Variants in TLR2 observed in about 807,000 individuals in gnomAD.
TLR2 encodes toll-like receptor 2.
TLR2 carries 7 observed loss-of-function variants against 9.1 expected under a neutral mutation model. The ratio of observed to expected loss-of-function variants is 0.77; its 90% CI spans 0.44 to 1.44. TLR2 has a LOEUF of 1.44. TLR2 is among the 40% of genes most tolerant of loss of function. The pLI is 0.01. For missense variants in TLR2, 812 were observed against 904.6 expected, an observed-to-expected ratio of 0.90 and a Z score of 1.31; for synonymous variants, 317 against 344.6, an observed-to-expected ratio of 0.92 and a Z score of 0.89.
intron 2 of TLR2, 128 bp from the exon 3 acceptor site, chr4:153,702,760 CTTTG>C (rs746708083): frequency 4.8e-5 from 19 of 392,512 alleles, no homozygotes; most frequent in African/African-American, 2.7e-4. Context: ...CTCTCTCTCT[CTTTG>C]TGTGTGTGTG....
At position 153,704,558 on chromosome 4, in the gene TLR2, C is replaced by G. The variant is rs1285344948; in HGVS notation, c.1651C>G (p.Leu551Val). 1 of 1,613,970 alleles carries G rather than the reference C, an allele frequency of 6.2e-7. No homozygotes were observed. Among genetic ancestry groups the G allele is most frequent in the East Asian group, 2.2e-5 (1 of 44,852 alleles). Reference protein sequence around the residue: ...FLSFTQEQQALAKVLIDWPAN... With the variant: ...FLSFTQEQQAVAKVLIDWPAN... ...CTCCTTCACTCAGGAGCAGCAAGCACTGGCCAAAGTCTTGATTGATTGGCC... is the reference window on the plus strand; with the variant it reads ...CTCCTTCACTCAGGAGCAGCAAGCAGTGGCCAAAGTCTTGATTGATTGGCC... The change falls in exon 3 of 3, where the codon CTG becomes GTG. Residue 551 changes from leucine (L) to valine (V), a missense_variant. By Grantham distance (32) the Leu-to-Val change is conservative. Coordinates refer to ENST00000642700, the MANE Select transcript of TLR2 (RefSeq NM_001318789.2).
chr4:153,704,636 G>A lies in TLR2; in HGVS notation c.1729G>A (p.Asp577Asn). Residue 577 changes from aspartate to asparagine, a missense_variant, in exon 3 of 3, where the codon GAT (aspartate) becomes AAT (asparagine). Coordinates refer to ENST00000642700, the MANE Select transcript of TLR2 (RefSeq NM_001318789.2). ...CCATGTGCGTGGCCAGCAGGTTCAGGATGTCCGCCTCTCGGTGTCGGAATG... is the reference window on the plus strand; with the variant it reads ...CCATGTGCGTGGCCAGCAGGTTCAGAATGTCCGCCTCTCGGTGTCGGAATG... ...PSHVRGQQVQ[D>N]VRLSVSECHR... is the part of the protein sequence containing the mutation. 4 of 1,613,454 alleles carry A rather than the reference G, an allele frequency of 2.5e-6. No individual in the cohort carries two copies. The highest frequency in any genetic ancestry group is 3.4e-6 in the Non-Finnish European group (4 of 1,179,978).
chr4:153,688,192 C>T (rs906372580), intron 2 of TLR2, 145 bp downstream of exon 2: 2 of 152,132 alleles, frequency 1.3e-5, no homozygotes, highest in African/African-American at 4.8e-5. Context: ...TAGGAGGCCT[C>T]AAGTAGATAA....
chr4:153,707,754 T>C (rs1033619966), downstream of TLR2, among the ~76,000 whole-genome samples: 5 of 152,134 alleles, frequency 3.3e-5, no homozygotes, highest in East Asian at 7.7e-4. Flanking sequence ...GCTTCATAGA[T>C]AATTGATAGA....
chr4:153,695,943 A>G (rs750862029), intron 2 of TLR2, among the ~76,000 whole-genome samples: 11 of 152,116 alleles, frequency 7.2e-5, no homozygotes, highest in Non-Finnish European at 1.6e-4. Flanking sequence ...CCTTTCTGCA[A>G]TGTATGTTCT....
chr4:153,698,341 T>G (rs1281030967), intron 2 of TLR2, among the ~76,000 whole-genome samples: 1 of 152,156 alleles, frequency 6.6e-6, no homozygotes, highest in African/African-American at 2.4e-5. Context: ...AGATATGCAA[T>G]TTGAAAGAAC....
chr4:153,700,234 G>C (rs549490805), intron 2 of TLR2, among the ~76,000 whole-genome samples: 1 of 152,092 alleles, frequency 6.6e-6, no homozygotes, highest in Non-Finnish European at 1.5e-5. Flanking sequence ...CTTTCCACCA[G>C]GTCCTACCTT....
downstream of TLR2, among the ~76,000 whole-genome samples, chr4:153,709,831 G>C (rs1486860976): frequency 2.0e-5 from 3 of 152,216 alleles, no homozygotes; most frequent in Non-Finnish European, 4.4e-5. Flanking sequence ...GTGGCCCATT[G>C]AGAAGGTGTG....
At position 153,691,614 on chromosome 4, in the gene TLR2, C is replaced by T. The variant is rs1019892687; in HGVS notation, c.-17+3567C>T. ...TATGGATTTGCTTTTTGATTAGCTG[C>T]AGCTCTGCCTCAGCTTCTTTTGTTA... On this transcript the variant is annotated intron_variant, in intron 2 of 2. Transcript: ENST00000642700. Among the ~76,000 whole-genome samples, 10 of 152,134 alleles carry T rather than the reference C, an allele frequency of 6.6e-5. No homozygotes were observed. The South Asian group carries it at 1.9e-3, about 28-fold the overall frequency.
intron 2 of TLR2, among the ~76,000 whole-genome samples, chr4:153,696,549 G>A (rs78600574): frequency 0.014 from 2,078 of 152,156 alleles, 19 homozygotes; most frequent in Middle Eastern, 0.095. Context: ...TGTTGATTTT[G>A]TATACTACAA....
intron 2 of TLR2, among the ~76,000 whole-genome samples, chr4:153,695,870 G>A (rs963460496): frequency 6.6e-6 from 1 of 151,960 alleles, no homozygotes; most frequent in Admixed American, 6.6e-5. Context: ...CAAGATATAG[G>A]GGTCTAGTTT....
intron 2 of TLR2, among the ~76,000 whole-genome samples, chr4:153,699,397 A>C (rs982126268): frequency 1.3e-5 from 2 of 152,188 alleles, no homozygotes; most frequent in African/African-American, 4.8e-5. Flanking sequence ...ACTTTCTAGC[A>C]GGTACGAATC....
intron 1 of TLR2, among the ~76,000 whole-genome samples, chr4:153,684,737 G>GC (rs1269352776): frequency 6.6e-6 from 1 of 152,128 alleles, no homozygotes; most frequent in Non-Finnish European, 1.5e-5. Context: ...AACCTTGCAG[G>GC]CCCCGGGGGG....
chr4:153,687,305 CA>C lies in TLR2; in HGVS notation c.-162-596del, dbSNP rs1735775609. Among the ~76,000 whole-genome samples the C allele has an allele frequency of 2.6e-5, 4 of 151,968 alleles. No homozygotes were observed. In the South Asian group the frequency reaches 6.2e-4, roughly 24 times the overall value. ...TAAAATAAATCCAGAGAAATCAGAA[CA>C]GGGGAAATAATAATATAAGAATAGA... is the stretch of plus-strand genomic sequence containing the variant. On this transcript the variant is annotated intron_variant, in intron 1 of 2. Transcript: ENST00000642700.
intron 2 of TLR2, among the ~76,000 whole-genome samples, chr4:153,694,112 T>C (rs559179914): frequency 6.6e-6 from 1 of 152,370 alleles, no homozygotes; most frequent in South Asian, 2.1e-4. Context: ...CTGTAGATTA[T>C]AGATTAACTA....
At chr4:153,692,901 T>G (rs1736220006) in intron 2 of TLR2, among the ~76,000 whole-genome samples, 2 of 152,224 alleles carry the variant, frequency 1.3e-5, no homozygotes, top group Non-Finnish European at 2.9e-5. Context: ...CAGAAATGAT[T>G]GAAATGTCCG....
Position 153,703,254 on chromosome 4 carries a change from C to T in TLR2, c.347C>T (p.Ser116Leu), listed in dbSNP as rs200637588. 6 of 1,613,602 alleles carry T rather than the reference C, an allele frequency of 3.7e-6. No homozygotes were observed. The highest frequency in any genetic ancestry group is 3.3e-5 in the South Asian group (3 of 90,958). ...DLSYNYLSNLSSSWFKPLSSL... is the reference protein window; with the variant it reads ...DLSYNYLSNLLSSWFKPLSSL... Reference sequence around the variant, plus strand: ...TCCTATAATTACTTATCTAATTTATCGTCTTCCTGGTTCAAGCCCCTTTCT... The same window carrying T: ...TCCTATAATTACTTATCTAATTTATTGTCTTCCTGGTTCAAGCCCCTTTCT... The change falls in exon 3 of 3, where the codon TCG becomes TTG. Residue 116 changes from serine (S) to leucine (L), a missense_variant. Physicochemically the swap from Ser to Leu is moderately radical, Grantham distance 145. Transcript: ENST00000642700.
chr4:153,704,083 A>T lies in TLR2; in HGVS notation c.1176A>T (p.Leu392Phe). Residue 392 changes from leucine to phenylalanine, a missense_variant, in exon 3 of 3, where the codon TTA (leucine) becomes TTT (phenylalanine). Leu to Phe is a conservative substitution (Grantham distance 22). Transcript: ENST00000642700. ...CEDAWPSLQT[L>F]ILRQNHLASL... Reference sequence around the variant, plus strand: ...ATGCCTGGCCCTCTCTACAAACTTTAATTTTAAGGCAAAATCATTTGGCAT... The same window carrying T: ...ATGCCTGGCCCTCTCTACAAACTTTTATTTTAAGGCAAAATCATTTGGCAT... 6.2e-7 allele frequency: 1 copy of T among 1,614,108 alleles called. No individual in the cohort carries two copies. The highest frequency in any genetic ancestry group is 8.5e-7 in the Non-Finnish European group (1 of 1,180,000).
intron 2 of TLR2, among the ~76,000 whole-genome samples, chr4:153,700,167 T>C (rs1021869438): frequency 6.6e-6 from 1 of 152,060 alleles, no homozygotes; most frequent in African/African-American, 2.4e-5. Context: ...AACTAACTTA[T>C]TACCATGAAG....
Sources: allele counts gnomAD v4.1 joint callset (sites outside exome capture counted in the v4.1 genomes callset), GRCh38; gene constraint gnomAD v4.1.1; transcripts MANE v1.5; gene names NCBI Gene and HGNC (gene_info 2026-07-23, HGNC 2026-07-21).